Variants in KCNN2 observed in about 807,000 individuals in gnomAD.
KCNN2 encodes small conductance calcium-activated potassium channel protein 2.
KCNN2 carries 24 observed loss-of-function variants against 55.5 expected under a neutral mutation model. That is an observed-to-expected ratio of 0.43 (90% CI 0.31 to 0.61). The LOEUF is 0.61. Ranked by LOEUF, KCNN2 falls within the 20% of genes least tolerant of loss-of-function variation. The pLI is 0.08. For missense variants in KCNN2, 754 were observed against 853.6 expected (o/e 0.88, Z 1.45); for synonymous variants, 431 against 336.1 (o/e 1.28, Z -3.09).
intron 2 of KCNN2, among the ~76,000 whole-genome samples, chr5:114,235,640 A>G (rs1277166311): frequency 6.6e-6 from 1 of 152,214 alleles, no homozygotes; most frequent in African/African-American, 2.4e-5. Flanking sequence ...AACAGGTTTA[A>G]GAAAGGAGAT....
intron 1 of KCNN2, among the ~76,000 whole-genome samples, chr5:114,150,375 C>T (rs1031912604): frequency 2.6e-5 from 4 of 152,170 alleles, no homozygotes; most frequent in Non-Finnish European, 4.4e-5. Context: ...TTTGACAAAC[C>T]TGAAAAACCA....
At chr5:114,113,410 G>A (rs190962745) in intron 1 of KCNN2, among the ~76,000 whole-genome samples, 322 of 152,100 alleles carry the variant, frequency 2.1e-3, no homozygotes, top group Middle Eastern at 0.01. Flanking sequence ...AGAAGAAAAA[G>A]TCAAAGGTAG....
intron 1 of KCNN2, among the ~76,000 whole-genome samples, chr5:114,157,653 C>T (rs546808978): frequency 1.3e-5 from 2 of 152,296 alleles, no homozygotes; most frequent in African/African-American, 4.8e-5. Context: ...TTCTCCACAT[C>T]CTCTCCAGCA....
chr5:114,417,978 C>G (rs1217486852), intron 3 of KCNN2, among the ~76,000 whole-genome samples: 1 of 152,136 alleles, frequency 6.6e-6, no homozygotes, highest in Non-Finnish European at 1.5e-5. Context: ...CAACTGCTGT[C>G]ATTACATGAG....
intron 3 of KCNN2, among the ~76,000 whole-genome samples, chr5:114,443,999 C>T (rs1286848918): frequency 1.2e-4 from 19 of 152,172 alleles, no homozygotes. Context: ...AGAAAGATAA[C>T]TCACAGAACA....
intron 3 of KCNN2, among the ~76,000 whole-genome samples, chr5:114,406,172 C>T (rs1758927743): frequency 6.6e-6 from 1 of 150,514 alleles, no homozygotes; most frequent in Non-Finnish European, 1.5e-5. Flanking sequence ...GAAGCATTCA[C>T]TTTAAATCTG....
At chr5:114,124,675 C>T (rs1751895642) in intron 1 of KCNN2, among the ~76,000 whole-genome samples, 1 of 152,168 alleles carries the variant, frequency 6.6e-6, no homozygotes, top group Admixed American at 6.5e-5. Flanking sequence ...ACAGTTTGCC[C>T]TCAGGATGGC....
intron 2 of KCNN2, among the ~76,000 whole-genome samples, chr5:114,326,041 A>C (rs1158266378): frequency 1.3e-5 from 2 of 152,198 alleles, no homozygotes; most frequent in African/African-American, 4.8e-5. Flanking sequence ...AAGTAACTTC[A>C]GTTTGGGGTT....
At chr5:114,283,771 A>C (rs1036293182) in intron 2 of KCNN2, among the ~76,000 whole-genome samples, 2 of 152,210 alleles carry the variant, frequency 1.3e-5, no homozygotes, top group Non-Finnish European at 2.9e-5. Context: ...AAGCAGTCTC[A>C]AATTAAGGCT....
intron 2 of KCNN2, among the ~76,000 whole-genome samples, chr5:114,403,284 G>T (rs190472284): frequency 6.6e-6 from 1 of 152,258 alleles, no homozygotes; most frequent in African/African-American, 2.4e-5. Flanking sequence ...TCAGGGTCAA[G>T]TTTGGTAAAT....
chr5:114,420,278 C>T (rs1210870017), intron 3 of KCNN2, among the ~76,000 whole-genome samples: 1 of 152,254 alleles, frequency 6.6e-6, no homozygotes, highest in Non-Finnish European at 1.5e-5. Context: ...TGCAATATCT[C>T]TCTCTGCAAG....
At chr5:114,166,513 A>C (rs1752916586) in intron 1 of KCNN2, among the ~76,000 whole-genome samples, 1 of 152,134 alleles carries the variant, frequency 6.6e-6, no homozygotes, top group Non-Finnish European at 1.5e-5. Flanking sequence ...AAACAATGTG[A>C]GTTTGCTGTT....
chr5:114,155,446 C>T (rs1201572279), intron 1 of KCNN2, among the ~76,000 whole-genome samples: 1 of 152,102 alleles, frequency 6.6e-6, no homozygotes, highest in Non-Finnish European at 1.5e-5. Flanking sequence ...ATTTTTAGGT[C>T]TTTGAGGAAT....
At chr5:114,158,146 G>T (rs79569250) in intron 1 of KCNN2, among the ~76,000 whole-genome samples, 63,104 of 150,588 alleles carry the variant, frequency 0.42, 14,186 homozygotes, top group Middle Eastern at 0.55. Flanking sequence ...GGTCTAACAT[G>T]TAAGTCTTTA....
intron 3 of KCNN2, among the ~76,000 whole-genome samples, chr5:114,457,497 G>A (rs146421183): frequency 6.6e-6 from 1 of 152,194 alleles, no homozygotes; most frequent in East Asian, 1.9e-4. Flanking sequence ...TATCCCCCAG[G>A]TATGACTGCA....
chr5:114,104,299 A>G (rs1751434773), intron 1 of KCNN2, among the ~76,000 whole-genome samples: 1 of 151,790 alleles, frequency 6.6e-6, no homozygotes, highest in South Asian at 2.1e-4. Context: ...TATTGTGTCT[A>G]TTTGATTTTT....
intron 2 of KCNN2, among the ~76,000 whole-genome samples, chr5:114,308,069 G>A (rs969079620): frequency 1.3e-5 from 2 of 151,862 alleles, no homozygotes; most frequent in Non-Finnish European, 2.9e-5. Flanking sequence ...ATTTACTCCC[G>A]AGAAGAAACT....
Position 114,063,108 on chromosome 5 carries a change from G to A in KCNN2, c.-271+6608G>A, listed in dbSNP as rs79515576. Among the ~76,000 whole-genome samples the A allele has an allele frequency of 1.2e-4, 19 of 152,238 alleles. No homozygotes were observed. In the East Asian group the frequency reaches 2.5e-3, roughly 20 times the overall value. On this transcript the variant is annotated intron_variant, in intron 1 of 10. Coordinates refer to the KCNN2 transcript ENST00000512097. ...TTTTAGTGTGTCCTGAAAGAGACAG[G>A]CCTTAGCAACTGCAGGCAGCTGTGC...
At chr5:114,065,011 G>C (rs1318945795) in intron 1 of KCNN2, among the ~76,000 whole-genome samples, 1 of 152,118 alleles carries the variant, frequency 6.6e-6, no homozygotes. Flanking sequence ...GATAAAATTT[G>C]ATGTGATGTG....
Sources: gnomAD v4.1 joint callset for allele counts (sites outside exome capture counted in the v4.1 genomes callset) on GRCh38, gnomAD v4.1.1 for gene constraint, MANE v1.5 for transcripts, NCBI Gene and HGNC (gene_info 2026-07-23, HGNC 2026-07-21) for gene names.